S100G: variants seen among roughly 807,000 people sequenced by gnomAD.
S100G encodes the protein protein S100-G.
A neutral mutation model predicts 4.4 loss-of-function variants in S100G; 4 were observed. The observed-to-expected ratio is 0.91, with a 90% confidence interval of 0.45 to 2.09. S100G has a LOEUF of 2.09. S100G is among the 30% of genes most tolerant of loss of function. The pLI, the probability that S100G is intolerant of heterozygous loss-of-function variation, is 0.03. For synonymous variants in S100G, 24 were observed against 20.1 expected (o/e 1.20, Z -0.53); for missense variants, 48 against 49.8 (o/e 0.96, Z 0.11).
chrX:16,651,587 G>A (rs1932636532), intron 2 of S100G, among the ~76,000 whole-genome samples: 1 of 112,099 alleles, frequency 8.9e-6, no homozygotes, highest in Non-Finnish European at 1.9e-5. Context: ...AGTCTGTTAG[G>A]AAAACCCACT....
chrX:16,653,700 C>G (rs964466433), intron 2 of S100G, among the ~76,000 whole-genome samples: 5 of 112,139 alleles, frequency 4.5e-5, no homozygotes, highest in Non-Finnish European at 1.9e-5. Context: ...GCAAGCCTAT[C>G]GTGTGATTCT....
chrX:16,650,511 CTTTTTTTTT>C (rs1167079038), intron 1 of S100G, among the ~76,000 whole-genome samples: 1 of 77,209 alleles, frequency 1.3e-5, no homozygotes, highest in Admixed American at 1.5e-4. Context: ...TCTAAGATGT[CTTTTTTTTT>C]TTTTTTTTTT....
rs148635711 is a variant in S100G, at chrX:16,651,741, C to T, written c.135+600C>T. On this transcript the variant is annotated intron_variant, in intron 2 of 2. Coordinates refer to ENST00000380200, the MANE Select transcript of S100G (RefSeq NM_004057.3). The stretch of plus-strand genomic sequence containing the variant: ...AAATTTCCTGGGCCATAAAGTTTCA[C>T]ATCAAAATCACCCCAGAGTTGTCAA... Among the ~76,000 whole-genome samples, 850 of 112,365 alleles carry T rather than the reference C, an allele frequency of 7.6e-3. 2 individuals are homozygous for T. The highest frequency in any genetic ancestry group is 0.032 in the Middle Eastern group (7 of 219).
chrX:16,650,511 CTTTTTTTTTTTT>C (rs1167079038), intron 1 of S100G, among the ~76,000 whole-genome samples: 1 of 77,209 alleles, frequency 1.3e-5, no homozygotes, highest in Non-Finnish European at 2.4e-5. Context: ...TCTAAGATGT[CTTTTTTTTTTTT>C]TTTTTTTTTT....
chrX:16,650,630 G>C (rs1254826526), intron 1 of S100G, among the ~76,000 whole-genome samples: 2 of 104,242 alleles, frequency 1.9e-5, no homozygotes, highest in Non-Finnish European at 3.9e-5. Flanking sequence ...CTCCTGCCTC[G>C]GTCTTCCAAG....
intron 2 of S100G, among the ~76,000 whole-genome samples, chrX:16,651,418 A>C (rs1053445672): frequency 2.7e-4 from 30 of 111,842 alleles, no homozygotes; most frequent in African/African-American, 9.8e-4. Context: ...GAAGACCCAC[A>C]AGTCACCAAG....
At chrX:16,651,886 G>A (rs933858856) in intron 2 of S100G, among the ~76,000 whole-genome samples, 1 of 111,199 alleles carries the variant, frequency 9.0e-6, no homozygotes, top group African/African-American at 3.3e-5. Context: ...TGCCAAGGAT[G>A]GTAAGGCAAC....
chrX:16,650,787 A>G (rs1008162299), intron 1 of S100G, among the ~76,000 whole-genome samples: 1 of 110,629 alleles, frequency 9.0e-6, no homozygotes, highest in African/African-American at 3.3e-5. Context: ...CTGGGATTAC[A>G]GGCATGAGCT....
chrX:16,650,512 T>C lies in S100G; in HGVS notation c.-9+309T>C, dbSNP rs1479022643. Among the ~76,000 whole-genome samples the C allele has an allele frequency of 4.3e-5, 3 of 70,293 alleles. No individual in the cohort carries two copies. The East Asian group carries it at 1.2e-3, about 29-fold the overall frequency. The allele number at this position is 70,293 out of a possible 115,157, so 61.0% of individuals were successfully genotyped here. ...CATTTAACATACTATCTAAGATGTCTTTTTTTTTTTTTTTTTTTTTTTGCA... is the reference window on the plus strand; with the variant it reads ...CATTTAACATACTATCTAAGATGTCCTTTTTTTTTTTTTTTTTTTTTTGCA... On this transcript the variant is annotated intron_variant, in intron 1 of 2. Coordinates refer to ENST00000380200, the MANE Select transcript of S100G (RefSeq NM_004057.3).
intron 2 of S100G, 74 bp from the exon 3 acceptor site, chrX:16,654,331 T>C: frequency 1.4e-6 from 1 of 692,169 alleles, no homozygotes; most frequent in Non-Finnish European, 2.1e-6. Flanking sequence ...GGCCTCTAAT[T>C]TCTGAGAATG....
At chrX:16,651,186 G>T in intron 2 of S100G, 45 bp downstream of exon 2, 1 of 846,541 alleles carries the variant, frequency 1.2e-6, no homozygotes, top group Non-Finnish European at 1.7e-6. Context: ...CTGATGGTGG[G>T]AGGGGAGGGA....
intron 1 of S100G, among the ~76,000 whole-genome samples, chrX:16,650,780 G>A (rs1339172950): frequency 9.1e-6 from 1 of 110,112 alleles, no homozygotes; most frequent in East Asian, 2.9e-4. Flanking sequence ...CAAAGTGCTG[G>A]GATTACAGGC....
chrX:16,654,065 A>G (rs1932764472), intron 2 of S100G, among the ~76,000 whole-genome samples: 1 of 112,303 alleles, frequency 8.9e-6, no homozygotes, highest in Non-Finnish European at 1.9e-5. Flanking sequence ...GCCGTGGGCA[A>G]TCCAGTGAAG....
Position 16,651,128 on chromosome X carries a change from C to G in S100G, c.122C>G (p.Pro41Arg), listed in dbSNP as rs1932603053. The G allele has an allele frequency of 1.7e-6, 2 of 1,204,775 alleles. No homozygotes were observed. Among genetic ancestry groups the G allele is most frequent in the Non-Finnish European group, 2.2e-6 (2 of 892,632 alleles). The change falls in exon 2 of 3, where the codon CCC becomes CGC. Residue 41 changes from proline to arginine, a missense_variant. By Grantham distance (103) the Pro-to-Arg change is moderately radical (BLOSUM62 -2). Transcript: ENST00000380200. The stretch of plus-strand genomic sequence containing the variant: ...AAGCTATTGATTCAGGCTGAATTCC[C>G]CAGTTTACTCAAAGTAAGTGGCCAT... ...ELKLLIQAEF[P>R]SLLKGPNTLD... is the part of the protein sequence containing the mutation.
chrX:16,652,767 G>A (rs1932706736), intron 2 of S100G, among the ~76,000 whole-genome samples: 1 of 111,583 alleles, frequency 9.0e-6, no homozygotes, highest in Non-Finnish European at 1.9e-5. Flanking sequence ...TACTTAACAT[G>A]TACCTGATTA....
rs1932772956 is a variant in S100G, at chrX:16,654,523, A to C, written c.*14A>C. 1 of 1,048,791 alleles carries C rather than the reference A, an allele frequency of 9.5e-7. No individual in the cohort carries two copies. The highest frequency in any genetic ancestry group is 1.3e-6 in the Non-Finnish European group (1 of 752,520). 86.4% of individuals were successfully genotyped at this position (1,048,791 alleles called of 1,213,427 possible). A position where few individuals can be genotyped will look rare whatever the true frequency, so the allele number is the denominator to read the frequency against. On this transcript the variant is annotated 3_prime_UTR_variant, in exon 3 of 3. Transcript: ENST00000380200. ...ATATCCCAGTGAAGGAGAAAACAAA[A>C]TAGAACCCTGAGCACTGGAGGAAGA...
Sources: allele counts gnomAD v4.1 joint callset (sites outside exome capture counted in the v4.1 genomes callset), GRCh38; gene constraint gnomAD v4.1.1; transcripts MANE v1.5; gene names NCBI Gene and HGNC (gene_info 2026-07-23, HGNC 2026-07-21).